The following ACSM1 variants were observed in gnomAD, a reference collection of about 807,000 sequenced individuals.
ACSM1 encodes the protein acyl-coenzyme A synthetase ACSM1, mitochondrial.
ACSM1 carries 79 observed loss-of-function variants against 75.8 expected under a neutral mutation model. The observed-to-expected ratio is 1.04, with a 90% CI of 0.87 to 1.26. The LOEUF (loss-of-function observed/expected upper bound fraction) is 1.26. Among genes scored for constraint, ACSM1 ranks in the 50% most tolerant of loss-of-function variants. The probability of loss-of-function intolerance (pLI) is 0.00; values close to 1 mark genes in which losing one functional copy is unlikely to be tolerated. For missense variants in ACSM1, 676 were observed against 720.1 expected (o/e 0.94, Z 0.70); for synonymous variants, 279 against 265.8 (o/e 1.05, Z -0.48).
chr16:20,671,032 A>G (rs396508), intron 5 of ACSM1, among the ~76,000 whole-genome samples: 69,612 of 151,982 alleles, frequency 0.46, 17,654 homozygotes, highest in East Asian at 0.85. Context: ...GCCCTCTTAG[A>G]GGTGATGGCT....
intron 13 of ACSM1, 96 bp from the exon 14 acceptor site, chr16:20,623,668 T>G: frequency 8.0e-7 from 1 of 1,254,144 alleles, no homozygotes; most frequent in Non-Finnish European, 1.1e-6. Context: ...CAGTCTCCCA[T>G]GCAGGCTGAC....
chr16:20,685,837 A>AAG (rs1567311043), intron 2 of ACSM1, among the ~76,000 whole-genome samples: 1 of 89,952 alleles, frequency 1.1e-5, no homozygotes, highest in African/African-American at 4.4e-5. Flanking sequence ...AAAAACAAAC[A>AAG]AAAAAAAAAC....
intron 2 of ACSM1, among the ~76,000 whole-genome samples, chr16:20,686,910 C>T (rs746981851): frequency 1.2e-4 from 18 of 150,424 alleles, no homozygotes; most frequent in East Asian, 1.9e-4. Context: ...ACCTTAAATA[C>T]GTATGATTAA....
chr16:20,663,988 G>C (rs1277220081), intron 6 of ACSM1, among the ~76,000 whole-genome samples: 1 of 152,090 alleles, frequency 6.6e-6, no homozygotes, highest in Non-Finnish European at 1.5e-5. Flanking sequence ...CTATTATCAT[G>C]TAAGTTGTAA....
intron 6 of ACSM1, 70 bp from the exon 7 acceptor site, chr16:20,661,943 T>G: frequency 9.6e-7 from 1 of 1,036,292 alleles, no homozygotes; most frequent in Non-Finnish European, 1.5e-6. Context: ...TTATTAGCAG[T>G]CTAGTTCTGA....
rs543909407 is a variant in ACSM1, at chr16:20,685,144, G to T, written c.403+49C>A. On this transcript the variant is annotated intron_variant, in intron 3 of 13. Transcript: ENST00000520010. ...AGCACCTAATATCTCAGGACCCATTGGTTCTAGAACAGCCCCGAGGTCCAC... is the reference window on the plus strand; with the variant it reads ...AGCACCTAATATCTCAGGACCCATTTGTTCTAGAACAGCCCCGAGGTCCAC... 5 of 1,597,036 alleles carry T rather than the reference G, an allele frequency of 3.1e-6. No individual in the cohort carries two copies. In the East Asian group the frequency reaches 1.1e-4, roughly 36 times the overall value.
At chr16:20,660,181 T>C (rs1567281963) in intron 7 of ACSM1, among the ~76,000 whole-genome samples, 2 of 152,198 alleles carry the variant, frequency 1.3e-5, no homozygotes, top group African/African-American at 2.4e-5. Flanking sequence ...ATGTACAGCA[T>C]GTGATATAAA....
chr16:20,628,787 G>A (rs376449024), intron 10 of ACSM1, among the ~76,000 whole-genome samples: 20 of 151,708 alleles, frequency 1.3e-4, no homozygotes, highest in Non-Finnish European at 2.2e-4. Flanking sequence ...TTTTTTTGTC[G>A]CCCATTTTAA....
chr16:20,637,000 A>C, intron 9 of ACSM1, 160 bp from the exon 10 acceptor site: 1 of 682,644 alleles, frequency 1.5e-6, no homozygotes. Context: ...TAAAATACGC[A>C]AATGTGAAAC....
Position 20,625,419 on chromosome 16 carries a change from T to G in ACSM1, c.1527+4A>C. On this transcript the variant is annotated splice_donor_region_variant and intron_variant, in intron 12 of 13. Transcript: ENST00000520010. Reference sequence around the variant, plus strand: ...AGACATGATGATCTCTGTGTTCTCCTCACCTCCCCTCGAATCGGGTCTGGG... The same window carrying G: ...AGACATGATGATCTCTGTGTTCTCCGCACCTCCCCTCGAATCGGGTCTGGG... The G allele has an allele frequency of 6.2e-7, 1 of 1,613,726 alleles. No homozygotes were observed. The highest frequency in any genetic ancestry group is 8.5e-7 in the Non-Finnish European group (1 of 1,179,888).
chr16:20,640,991 T>G (rs1818990999), intron 7 of ACSM1, among the ~76,000 whole-genome samples: 1 of 152,150 alleles, frequency 6.6e-6, no homozygotes. Flanking sequence ...AACTATACAT[T>G]CTTTTATGGA....
At chr16:20,627,869 C>CATATATAT (rs61366465) in intron 10 of ACSM1, among the ~76,000 whole-genome samples, 19 of 77,540 alleles carry the variant, frequency 2.5e-4, no homozygotes, top group South Asian at 4.8e-4. Context: ...TGTATGTATA[C>CATATATAT]ATATATATAT....
chr16:20,636,694 T>A, intron 10 of ACSM1, 45 bp downstream of exon 10: 1 of 1,434,802 alleles, frequency 7.0e-7, no homozygotes, highest in Non-Finnish European at 9.8e-7. Flanking sequence ...GAGCTCCCTG[T>A]TGGGATCCTT....
rs779893812 is a variant in ACSM1 at position 20,691,166 on chromosome 16, C to T, written c.23G>A (p.Arg8Gln). The change falls in exon 2 of 14, where the codon CGG (arginine) becomes CAG (glutamine). Residue 8 changes from arginine to glutamine, a missense_variant. Coordinates refer to ENST00000520010, the MANE Select transcript of ACSM1 (RefSeq NM_001318890.3). ...GGATTTGTGGATGCCCCAGAGGGTCCGGAACCTCATTAGCCACTGCATGGT... is the reference window on the plus strand; with the variant it reads ...GGATTTGTGGATGCCCCAGAGGGTCTGGAACCTCATTAGCCACTGCATGGT... MQWLMRF[R>Q]TLWGIHKSFH... 26 of 1,600,706 alleles carry T rather than the reference C, an allele frequency of 1.6e-5. No homozygotes were observed. The highest frequency in any genetic ancestry group is 1.7e-4 in the Middle Eastern group (1 of 5,928).
chr16:20,676,044 A>G (rs2020256642), intron 4 of ACSM1: 1 of 152,260 alleles, frequency 6.6e-6, no homozygotes, highest in African/African-American at 2.4e-5. Flanking sequence ...CCTCCTCCCT[A>G]CATTCCAATC....
chr16:20,689,336 T>C lies in ACSM1; in HGVS notation c.192+1661A>G, dbSNP rs540864491. On this transcript the variant is annotated intron_variant, in intron 2 of 13. Coordinates refer to ENST00000520010, the MANE Select transcript of ACSM1 (RefSeq NM_001318890.3). ...AAAGGAAATGAGAAGAAAATCAAAG[T>C]GTGTCACTACAAAAACTCAAGTAAA... 3.3e-5 allele frequency among the ~76,000 whole-genome samples: 5 copies of C among 152,120 alleles called. No individual in the cohort carries two copies. In the South Asian group the frequency reaches 8.3e-4, roughly 25 times the overall value.
At chr16:20,675,857 T>G (rs950469388) in intron 4 of ACSM1, among the ~76,000 whole-genome samples, 2 of 152,206 alleles carry the variant, frequency 1.3e-5, no homozygotes, top group African/African-American at 4.8e-5. Context: ...AGAAACCAGC[T>G]GCGCTGGCGG....
chr16:20,661,532 CTT>C (rs1244089695), intron 7 of ACSM1, among the ~76,000 whole-genome samples: 1 of 152,084 alleles, frequency 6.6e-6, no homozygotes, highest in East Asian at 1.9e-4. Flanking sequence ...AAATTTCTGT[CTT>C]ATGCATTTTC....
In ACSM1 at chr16:20,624,184, T is replaced by A; in HGVS notation, c.1559A>T (p.Gln520Leu). 4.3e-6 allele frequency: 7 copies of A among 1,612,838 alleles called. No homozygotes were observed. Among genetic ancestry groups the A allele is most frequent in the Non-Finnish European group, 5.9e-6 (7 of 1,179,130 alleles). ...VVKAFIVLTP[Q>L]FLSHDKDQLT... ...CTGATCCTTGTCATGGGACAGGAAC[T>A]GTGGGGTCAGGACAATAAAGGCCTT... The change falls in exon 13 of 14, where the codon CAG (glutamine) becomes CTG (leucine). Residue 520 changes from glutamine (Q) to leucine (L), a missense_variant. Physicochemically the swap from Gln to Leu is moderately radical, Grantham distance 113. Transcript: ENST00000520010.
Sources: allele counts gnomAD v4.1 joint callset (sites outside exome capture counted in the v4.1 genomes callset), GRCh38; gene constraint gnomAD v4.1.1; transcripts MANE v1.5; gene names NCBI Gene and HGNC (gene_info 2026-07-23, HGNC 2026-07-21).